PRUNE2: variants seen among roughly 807,000 people sequenced by gnomAD.
The protein encoded by PRUNE2 is protein prune homolog 2.
A neutral mutation model predicts 252.0 loss-of-function variants in PRUNE2; 164 were observed. The observed-to-expected ratio is 0.65, with a 90% confidence interval of 0.57 to 0.74. The LOEUF (loss-of-function observed/expected upper bound fraction) is 0.74. Ranked by LOEUF, PRUNE2 falls within the 30% of genes least tolerant of loss-of-function variation. The probability of loss-of-function intolerance (pLI) is 0.00; values close to 1 mark genes in which losing one functional copy is unlikely to be tolerated. For synonymous variants in PRUNE2, 1,292 were observed against 1,350.2 expected (o/e 0.96, Z 0.94); for missense variants, 3,495 against 3,711.0 (o/e 0.94, Z 1.51).
At chr9:76,774,879 G>C (rs917273093) in intron 6 of PRUNE2, among the ~76,000 whole-genome samples, 35 of 152,136 alleles carry the variant, frequency 2.3e-4, no homozygotes, top group African/African-American at 8.4e-4. Context: ...AAAAACATGA[G>C]TTCAAATTCT....
rs1847516511 is a variant in PRUNE2, at chr9:76,651,810, G to T, written c.8557+673C>A. Among the ~76,000 whole-genome samples, 2 of 152,120 alleles carry T rather than the reference G, an allele frequency of 1.3e-5. 1 individual carries two copies. The highest frequency in any genetic ancestry group is 4.1e-4 in the South Asian group (2 of 4,828). ...CCTTCCCACTTTATTGGAGACGCAGGATCAAATATAAAGTCCTTGCTCCTG... is the reference window on the plus strand; with the variant it reads ...CCTTCCCACTTTATTGGAGACGCAGTATCAAATATAAAGTCCTTGCTCCTG... On this transcript the variant is annotated intron_variant, in intron 11 of 18. Coordinates refer to ENST00000376718, the MANE Select transcript of PRUNE2 (RefSeq NM_015225.3).
At chr9:76,700,955 T>C (rs2045838669) in intron 9 of PRUNE2, among the ~76,000 whole-genome samples, 1 of 152,252 alleles carries the variant, frequency 6.6e-6, no homozygotes, top group African/African-American at 2.4e-5. Context: ...CATTGGGCAT[T>C]GACTAGCTTG....
At chr9:76,832,861 A>T (rs2058745110) in intron 4 of PRUNE2, among the ~76,000 whole-genome samples, 2 of 152,098 alleles carry the variant, frequency 1.3e-5, no homozygotes, top group Admixed American at 1.3e-4. Context: ...ATCGTGACAT[A>T]ACTAGATTCT....
intron 9 of PRUNE2, among the ~76,000 whole-genome samples, chr9:76,698,342 C>T (rs1187330419): frequency 6.6e-6 from 1 of 152,082 alleles, no homozygotes; most frequent in South Asian, 2.1e-4. Flanking sequence ...CCACCGTGCC[C>T]GGCAAAGGAC....
chr9:76,894,793 G>A (rs1252095738), intron 1 of PRUNE2, among the ~76,000 whole-genome samples: 1 of 151,802 alleles, frequency 6.6e-6, no homozygotes, highest in Non-Finnish European at 1.5e-5. Flanking sequence ...GCTGAGGTGG[G>A]TGGATCACCT....
At chr9:76,878,165 A>G (rs2061568810) in intron 1 of PRUNE2, among the ~76,000 whole-genome samples, 1 of 152,188 alleles carries the variant, frequency 6.6e-6, no homozygotes, top group African/African-American at 2.4e-5. Context: ...CTCTGGGCAC[A>G]AGAATGCAGG....
At chr9:76,780,405 C>T (rs1460913699) in intron 6 of PRUNE2, among the ~76,000 whole-genome samples, 2 of 151,526 alleles carry the variant, frequency 1.3e-5, no homozygotes, top group African/African-American at 2.4e-5. Context: ...AACCAAGCAG[C>T]GGCCAGGCAC....
intron 6 of PRUNE2, among the ~76,000 whole-genome samples, chr9:76,788,112 A>G (rs2055192260): frequency 1.3e-5 from 2 of 152,070 alleles, no homozygotes; most frequent in Admixed American, 6.6e-5. Context: ...GTTTTCTAAT[A>G]TTTGTCAATA....
At position 76,709,782 on chromosome 9, in the gene PRUNE2, G is replaced by A. The variant is rs992288246; in HGVS notation, c.2492C>T (p.Pro831Leu). The change falls in exon 8 of 19, where the codon CCG becomes CTG. Residue 831 changes from proline (P) to leucine (L), a missense_variant. Physicochemically the swap from Pro to Leu is moderately conservative, Grantham distance 98 (BLOSUM62 -3). Coordinates refer to ENST00000376718, the MANE Select transcript of PRUNE2 (RefSeq NM_015225.3). ...ACTTTTTGCCATGGCCCACTCATTCGGGTCCCTAACAGAAGGTGTCTTGCT... is the reference window on the plus strand; with the variant it reads ...ACTTTTTGCCATGGCCCACTCATTCAGGTCCCTAACAGAAGGTGTCTTGCT... ...TSSKTPSVRD[P>L]NEWAMAKSGF... 1.9e-6 allele frequency: 3 copies of A among 1,613,900 alleles called. No individual in the cohort carries two copies. Among genetic ancestry groups the A allele is most frequent in the Non-Finnish European group, 2.5e-6 (3 of 1,179,866 alleles).
intron 1 of PRUNE2, chr9:76,857,104 T>G: frequency 2.2e-6 from 1 of 455,938 alleles, no homozygotes; most frequent in South Asian, 1.5e-5. Flanking sequence ...CTTTCCTTCA[T>G]CCTATGCATC....
At chr9:76,843,725 C>CTTT (rs71501394) in intron 4 of PRUNE2, among the ~76,000 whole-genome samples, 10 of 128,158 alleles carry the variant, frequency 7.8e-5, no homozygotes, top group Non-Finnish European at 1.1e-4. Flanking sequence ...CTTGATTCCT[C>CTTT]TTTTTTTTTT....
intron 4 of PRUNE2, among the ~76,000 whole-genome samples, chr9:76,827,649 G>C (rs1157755333): frequency 6.6e-6 from 1 of 152,096 alleles, no homozygotes; most frequent in African/African-American, 2.4e-5. Flanking sequence ...AAATAAAAGA[G>C]GAAAGAAGGT....
At chr9:76,889,682 G>A (rs145147973) in intron 1 of PRUNE2, among the ~76,000 whole-genome samples, 11 of 152,204 alleles carry the variant, frequency 7.2e-5, no homozygotes, top group East Asian at 3.9e-4. Flanking sequence ...CAACAGACGC[G>A]GCACATCAGG....
chr9:76,725,540 A>G (rs1296255825), intron 6 of PRUNE2, among the ~76,000 whole-genome samples: 1 of 152,092 alleles, frequency 6.6e-6, no homozygotes. Flanking sequence ...ACCCAATGAA[A>G]GTAATTAGTT....
chr9:76,807,464 T>C (rs1183829128), intron 6 of PRUNE2, among the ~76,000 whole-genome samples: 2 of 152,182 alleles, frequency 1.3e-5, no homozygotes, highest in Non-Finnish European at 2.9e-5. Context: ...CAGCAGCTAC[T>C]CAGTATTTCA....
rs760557967 is a variant in PRUNE2, at chr9:76,707,138, A to G, written c.5136T>C (p.Asp1712=). The G allele has an allele frequency of 1.9e-6, 3 of 1,613,946 alleles. No homozygotes were observed. Among genetic ancestry groups the G allele is most frequent in the East Asian group, 2.2e-5 (1 of 44,870 alleles). ...IQVANCHVAE[D]ESRAWDSLNE... Reference sequence around the variant, plus strand: ...TCAATGAATCCCAAGCTCTGGATTCATCCTCAGCAACGTGGCAGTTGGCCA... The same window carrying G: ...TCAATGAATCCCAAGCTCTGGATTCGTCCTCAGCAACGTGGCAGTTGGCCA... Residue 1712 remains aspartate (D), a synonymous_variant, in exon 8 of 19, where the codon GAT becomes GAC. Transcript: ENST00000376718.
chr9:76,869,859 A>G (rs6560556), intron 1 of PRUNE2, among the ~76,000 whole-genome samples: 16,632 of 152,168 alleles, frequency 0.11, 2,972 homozygotes, highest in African/African-American at 0.37. Flanking sequence ...TCTCTCTTCT[A>G]TGAGGAGAAC....
At chr9:76,701,710 T>A (rs1415386731) in intron 9 of PRUNE2, among the ~76,000 whole-genome samples, 1 of 152,144 alleles carries the variant, frequency 6.6e-6, no homozygotes, top group African/African-American at 2.4e-5. Context: ...TGGTAGAGCT[T>A]TTAACCCCTT....
chr9:76,857,073 G>A (rs1027440518), intron 1 of PRUNE2: 7 of 455,646 alleles, frequency 1.5e-5, no homozygotes, highest in Non-Finnish European at 2.6e-5. Context: ...CTTTTTTCAT[G>A]GTCTCTCATT....
Sources: gnomAD v4.1 joint callset for allele counts (sites outside exome capture counted in the v4.1 genomes callset) on GRCh38, gnomAD v4.1.1 for gene constraint, MANE v1.5 for transcripts, NCBI Gene and HGNC (gene_info 2026-07-23, HGNC 2026-07-21) for gene names.